The following ZNF695 variants were observed in gnomAD, a reference collection of about 807,000 sequenced individuals.
The protein encoded by ZNF695 is zinc finger protein 695.
ZNF695 carries 11 observed loss-of-function variants against 11.2 expected under a neutral mutation model. The observed-to-expected ratio is 0.98, with a 90% confidence interval of 0.62 to 1.62. ZNF695 has a LOEUF of 1.62. ZNF695 is among the 40% of genes most tolerant of loss of function. The pLI is 0.00. For synonymous variants in ZNF695, 190 were observed against 201.4 expected (o/e 0.94, Z 0.48); for missense variants, 559 against 590.5 (o/e 0.95, Z 0.55).
chr1:246,995,586 T>C (rs1018652191), intron 3 of ZNF695, among the ~76,000 whole-genome samples: 2 of 151,930 alleles, frequency 1.3e-5, no homozygotes, highest in African/African-American at 4.8e-5. Flanking sequence ...TCCCAGCACC[T>C]TGGGAGGCTG....
chr1:246,999,291 G>A, intron 3 of ZNF695, 57 bp downstream of exon 3: 1 of 1,405,818 alleles, frequency 7.1e-7, no homozygotes, highest in Non-Finnish European at 1.0e-6. Flanking sequence ...TTAAAGTCTG[G>A]CTTCTTCCTT....
Position 246,952,259 on chromosome 1 carries a change from A to T in ZNF695, c.489-6432T>A, listed in dbSNP as rs201151720. 5.3e-5 allele frequency among the ~76,000 whole-genome samples: 8 copies of T among 152,290 alleles called. No homozygotes were observed. The East Asian group carries it at 1.5e-3, about 29-fold the overall frequency. ...CCACTGTGTCCAGCCCCCAAGTACC[A>T]CTTCTACCACCAGAGTGGAAGCTCT... is the stretch of plus-strand genomic sequence containing the variant. On this transcript the variant is annotated intron_variant, in intron 5 of 5. Coordinates refer to the ZNF695 transcript ENST00000487338.
At chr1:246,998,705 C>T (rs571775132) in intron 3 of ZNF695, among the ~76,000 whole-genome samples, 10 of 152,282 alleles carry the variant, frequency 6.6e-5, no homozygotes, top group South Asian at 4.1e-4. Flanking sequence ...CGGTGGCTCA[C>T]GCCTGTAATC....
intron 1 of ZNF695, among the ~76,000 whole-genome samples, chr1:247,003,831 T>C (rs530469397): frequency 6.6e-6 from 1 of 152,346 alleles, no homozygotes; most frequent in South Asian, 2.1e-4. Flanking sequence ...GGTAAATACA[T>C]TATGTTCCAC....
intron 5 of ZNF695, among the ~76,000 whole-genome samples, chr1:246,960,939 C>G (rs1398525300): frequency 4.6e-5 from 7 of 152,022 alleles, no homozygotes; most frequent in Admixed American, 1.3e-4. Context: ...CAAAAAACAA[C>G]ACAAAGAATG....
chr1:246,967,105 A>T (rs145982182), intron 5 of ZNF695, among the ~76,000 whole-genome samples: 1 of 151,930 alleles, frequency 6.6e-6, no homozygotes, highest in Admixed American at 6.6e-5. Flanking sequence ...TGCCTGGCTA[A>T]TTTTGTATTT....
At chr1:246,989,381 T>A (rs1034470407) in intron 3 of ZNF695, among the ~76,000 whole-genome samples, 2 of 152,168 alleles carry the variant, frequency 1.3e-5, no homozygotes, top group East Asian at 3.9e-4. Context: ...AGCTAAGGCG[T>A]AGAGTTTTTA....
chr1:246,963,471 T>C (rs1330917251), intron 5 of ZNF695, among the ~76,000 whole-genome samples: 1 of 152,110 alleles, frequency 6.6e-6, no homozygotes, highest in Non-Finnish European at 1.5e-5. Context: ...TCCTGACTTG[T>C]AGAGCTTCCC....
At chr1:246,961,815 T>G (rs1396730839) in intron 5 of ZNF695, among the ~76,000 whole-genome samples, 2 of 152,166 alleles carry the variant, frequency 1.3e-5, no homozygotes, top group East Asian at 3.9e-4. Context: ...GTGATCTGAC[T>G]CCTGTGATCA....
chr1:246,947,239 G>A (rs1363287025), intron 5 of ZNF695, among the ~76,000 whole-genome samples: 9 of 142,364 alleles, frequency 6.3e-5, no homozygotes, highest in African/African-American at 7.7e-5. Flanking sequence ...TCCCTTTGTC[G>A]CCCAGGCTGG....
intron 3 of ZNF695, among the ~76,000 whole-genome samples, chr1:246,998,883 G>A (rs1572534201): frequency 6.6e-6 from 1 of 152,098 alleles, no homozygotes; most frequent in African/African-American, 2.4e-5. Context: ...CAGGGGAATC[G>A]CTTGAACCCA....
intron 1 of ZNF695, among the ~76,000 whole-genome samples, chr1:247,002,641 C>T (rs960578423): frequency 2.6e-5 from 4 of 152,136 alleles, no homozygotes; most frequent in African/African-American, 7.2e-5. Context: ...CAAAAATTAG[C>T]TGGGTGTGGT....
chr1:246,961,184 A>G (rs759842274), intron 5 of ZNF695, among the ~76,000 whole-genome samples: 2 of 152,174 alleles, frequency 1.3e-5, no homozygotes, highest in African/African-American at 2.4e-5. Flanking sequence ...TCTCATCTTT[A>G]GCATCATCAG....
At chr1:246,992,027 G>A (rs1669051997) in intron 3 of ZNF695, among the ~76,000 whole-genome samples, 2 of 152,306 alleles carry the variant, frequency 1.3e-5, no homozygotes, top group Admixed American at 1.3e-4. Flanking sequence ...AGCCGGGCGT[G>A]GTGGCGGGCA....
rs116140348 is a variant in ZNF695, at chr1:246,975,587, G to C, written c.391-7795C>G. Among the ~76,000 whole-genome samples the C allele has an allele frequency of 4.2e-3, 637 of 152,244 alleles. 5 individuals are homozygous for C. The highest frequency in any genetic ancestry group is 0.015 in the African/African-American group (613 of 41,568). On this transcript the variant is annotated intron_variant, in intron 4 of 5. Transcript: ENST00000487338. ...TTCGAACTTAAGTAAAATGAAACAA[G>C]AACAGTTTTACTAACATGCTGAGAA...
At position 246,999,357 on chromosome 1, in the gene ZNF695, T is replaced by C. The variant is rs989912859; in HGVS notation, c.250A>G (p.Arg84Gly). ...PWNVNTEKTA[R>G]HSVLSSYLTE... ...ATTCACTCCCACCTACCTGAGTGTC[T>C]GGCTGTCTTCTCTGTGTTCACGTTC... Residue 84 changes from arginine (R) to glycine (G), a missense_variant, in exon 3 of 4, where the codon AGA (arginine) becomes GGA (glycine). Arg to Gly is a moderately radical substitution (Grantham distance 125, BLOSUM62 -2). Coordinates refer to ENST00000339986, the MANE Select transcript of ZNF695 (RefSeq NM_020394.5). The C allele has an allele frequency of 1.2e-6, 2 of 1,613,622 alleles. No individual in the cohort carries two copies. The highest frequency in any genetic ancestry group is 1.7e-5 in the Admixed American group (1 of 60,002).
intron 5 of ZNF695, among the ~76,000 whole-genome samples, chr1:246,961,521 A>G (rs1668163644): frequency 6.6e-6 from 1 of 152,136 alleles, no homozygotes; most frequent in Non-Finnish European, 1.5e-5. Flanking sequence ...TTGCTTTCAC[A>G]GCTCTCTTCA....
chr1:246,966,942 T>A, intron 5 of ZNF695: 1 of 429,496 alleles, frequency 2.3e-6, no homozygotes, highest in South Asian at 1.7e-5. Flanking sequence ...CTTTTTTTGT[T>A]GTTTTTATTT....
intron 5 of ZNF695, among the ~76,000 whole-genome samples, chr1:246,947,031 T>G (rs998615294): frequency 2.0e-5 from 3 of 151,018 alleles, no homozygotes; most frequent in African/African-American, 7.3e-5. Context: ...TTCCAGCTAC[T>G]CCGGAGGCTG....
Sources: gnomAD v4.1 joint callset for allele counts (sites outside exome capture counted in the v4.1 genomes callset) on GRCh38, gnomAD v4.1.1 for gene constraint, MANE v1.5 for transcripts, NCBI Gene and HGNC (gene_info 2026-07-23, HGNC 2026-07-21) for gene names.